The following MVB12B variants were observed in gnomAD, a reference collection of about 807,000 sequenced individuals.
The protein encoded by MVB12B is multivesicular body subunit 12B, also known as ESCRT-I complex subunit MVB12B.
In MVB12B, 16 loss-of-function variants were observed where a neutral mutation model predicts 41.6. That is an observed-to-expected ratio of 0.38 (90% CI 0.26 to 0.58). The LOEUF is 0.58. MVB12B is among the 20% of genes least tolerant of loss of function. MVB12B has a pLI of 0.62. For missense variants in MVB12B, 274 were observed against 380.2 expected (o/e 0.72, Z 2.32); for synonymous variants, 133 against 139.7 (o/e 0.95, Z 0.34).
chr9:126,403,950 C>CTTTTTTTTTTT (rs36030597), intron 6 of MVB12B, among the ~76,000 whole-genome samples: 1 of 104,752 alleles, frequency 9.5e-6, no homozygotes, highest in African/African-American at 3.6e-5. Flanking sequence ...TCCTTTAAAT[C>CTTTTTTTTTTT]TTTTTTTTTT....
At position 126,459,476 on chromosome 9, in the gene MVB12B, T is replaced by C. The variant is rs1476729960; in HGVS notation, c.758-21893T>C. Among the ~76,000 whole-genome samples, 1 of 152,192 alleles carries C rather than the reference T, an allele frequency of 6.6e-6. No homozygotes were observed. Among genetic ancestry groups the C allele is most frequent in the Non-Finnish European group, 1.5e-5 (1 of 68,030 alleles). On this transcript the variant is annotated intron_variant, in intron 7 of 9. Coordinates refer to ENST00000361171, the MANE Select transcript of MVB12B (RefSeq NM_033446.3). The surrounding 1 kb of genome is among the most constrained non-coding windows in gnomAD (Gnocchi z 4.3). ...GAGAGTCCTGTTGCTTCAGAAAGGC[T>C]TCACAGAACTGTGCCTGTGAGACCA... is the stretch of plus-strand genomic sequence containing the variant.
intron 7 of MVB12B, among the ~76,000 whole-genome samples, chr9:126,449,043 C>T (rs563962143): frequency 1.8e-4 from 28 of 152,364 alleles, no homozygotes; most frequent in Middle Eastern, 3.4e-3. Flanking sequence ...GGCTGCCTCC[C>T]TGGCTGGACA....
chr9:126,354,157 C>T lies in MVB12B; in HGVS notation c.204+13527C>T, dbSNP rs573518876. 1.2e-3 allele frequency among the ~76,000 whole-genome samples: 189 copies of T among 152,276 alleles called. 1 individual carries two copies. In the Middle Eastern group the frequency reaches 0.027, roughly 22 times the overall value. On this transcript the variant is annotated intron_variant, in intron 2 of 9. Transcript: ENST00000361171. ...GTCAGTTTCCAGTTTTTGTAGCTGGCTCATATGGCTGGCTTTCTCTTCCTG... is the reference window on the plus strand; with the variant it reads ...GTCAGTTTCCAGTTTTTGTAGCTGGTTCATATGGCTGGCTTTCTCTTCCTG...
At chr9:126,396,174 T>G in intron 6 of MVB12B, 1 of 987,028 alleles carries the variant, frequency 1.0e-6, no homozygotes, top group African/African-American at 1.7e-5. Flanking sequence ...TATGAGAGAA[T>G]AGTGAGGAGT....
intron 6 of MVB12B, among the ~76,000 whole-genome samples, chr9:126,414,287 C>T (rs1159363380): frequency 2.0e-5 from 3 of 152,130 alleles, no homozygotes; most frequent in Non-Finnish European, 2.9e-5. Flanking sequence ...TAGCTGGAGC[C>T]GTCATCGCTG....
At chr9:126,337,021 A>G (rs1829303694) in intron 1 of MVB12B, among the ~76,000 whole-genome samples, 1 of 152,182 alleles carries the variant, frequency 6.6e-6, no homozygotes, top group Non-Finnish European at 1.5e-5. Context: ...ATGTATTGAG[A>G]ATAGACTTAG....
intron 6 of MVB12B, chr9:126,396,662 C>T: frequency 1.0e-6 from 1 of 985,426 alleles, no homozygotes; most frequent in Middle Eastern, 5.2e-4. Context: ...TGTAATGAGG[C>T]TCCAAAGCCC....
At chr9:126,405,052 G>A (rs1044575173) in intron 6 of MVB12B, among the ~76,000 whole-genome samples, 1 of 152,220 alleles carries the variant, frequency 6.6e-6, no homozygotes, top group Admixed American at 6.5e-5. Flanking sequence ...TTCTTGGGAA[G>A]TCAGAGCTTC....
At chr9:126,404,762 C>T (rs1289113842) in intron 6 of MVB12B, among the ~76,000 whole-genome samples, 4 of 152,250 alleles carry the variant, frequency 2.6e-5, no homozygotes, top group Non-Finnish European at 4.4e-5. Context: ...ATCCCTCCCT[C>T]GCTTTGAAGC....
intron 7 of MVB12B, among the ~76,000 whole-genome samples, chr9:126,427,566 T>A (rs1832216712): frequency 1.3e-5 from 2 of 152,244 alleles, no homozygotes; most frequent in Admixed American, 1.3e-4. Context: ...GTTGTTGTAA[T>A]CTGATTTCTA....
At chr9:126,476,219 A>G (rs1665640142) in intron 7 of MVB12B, among the ~76,000 whole-genome samples, 1 of 152,216 alleles carries the variant, frequency 6.6e-6, no homozygotes, top group South Asian at 2.1e-4. Context: ...CTCCTCACTA[A>G]GGTGTTACCG....
At chr9:126,485,727 A>C (rs1478719647) in intron 9 of MVB12B, among the ~76,000 whole-genome samples, 6 of 151,286 alleles carry the variant, frequency 4.0e-5, no homozygotes, top group African/African-American at 1.5e-4. Flanking sequence ...CACATCTGGC[A>C]GCCTGCTTTC....
chr9:126,416,026 G>A (rs1831812090), intron 6 of MVB12B, among the ~76,000 whole-genome samples: 1 of 152,220 alleles, frequency 6.6e-6, no homozygotes, highest in South Asian at 2.1e-4. Flanking sequence ...CGTGAATGCA[G>A]GGAGGGTGGA....
intron 2 of MVB12B, among the ~76,000 whole-genome samples, chr9:126,353,220 T>C (rs1829798954): frequency 6.6e-6 from 1 of 152,248 alleles, no homozygotes; most frequent in African/African-American, 2.4e-5. Context: ...AGCTCACTTC[T>C]GTCATTCATT....
intron 7 of MVB12B, among the ~76,000 whole-genome samples, chr9:126,464,787 C>T (rs1036840782): frequency 1.2e-4 from 19 of 152,318 alleles, no homozygotes; most frequent in African/African-American, 2.9e-4. Flanking sequence ...AGGAGATCAC[C>T]GTGTCCACCC....
At position 126,329,218 on chromosome 9, in the gene MVB12B, C is replaced by G. The variant is rs960444142; in HGVS notation, c.81+2208C>G. The stretch of plus-strand genomic sequence containing the variant: ...GGTGACCCTAGGGGAGTCACAGAAC[C>G]TTTCTGAATCCCCATTTCTGTAATG... On this transcript the variant is annotated intron_variant, in intron 1 of 9. Transcript: ENST00000361171. Among the ~76,000 whole-genome samples the G allele has an allele frequency of 2.6e-5, 4 of 152,316 alleles. 1 individual carries two copies. In the South Asian group the frequency reaches 8.3e-4, roughly 32 times the overall value.
chr9:126,462,794 CT>C (rs1833115727), intron 7 of MVB12B, among the ~76,000 whole-genome samples: 1 of 152,184 alleles, frequency 6.6e-6, no homozygotes, highest in African/African-American at 2.4e-5. Context: ...GGAGATGCCC[CT>C]GACAGGTACA....
At chr9:126,417,169 G>A (rs754481182) in intron 6 of MVB12B, among the ~76,000 whole-genome samples, 1 of 152,188 alleles carries the variant, frequency 6.6e-6, no homozygotes, top group Non-Finnish European at 1.5e-5. Flanking sequence ...TGCCCAGGGG[G>A]CCTTCTCACC....
At chr9:126,413,925 C>T (rs1339687061) in intron 6 of MVB12B, among the ~76,000 whole-genome samples, 1 of 151,886 alleles carries the variant, frequency 6.6e-6, no homozygotes, top group African/African-American at 2.4e-5. Flanking sequence ...AGTCACCACT[C>T]TCTCGACGCT....
Sources: gnomAD v4.1 joint callset for allele counts (sites outside exome capture counted in the v4.1 genomes callset) on GRCh38, gnomAD v4.1.1 for gene constraint, Gnocchi (gnomAD v3.1) non-coding constraint, MANE v1.5 for transcripts, NCBI Gene and HGNC (gene_info 2026-07-23, HGNC 2026-07-21) for gene names.